The following CNOT4 variants were observed in gnomAD, a reference collection of about 807,000 sequenced individuals.
CNOT4 encodes the protein CCR4-NOT transcription complex subunit 4.
Under a neutral mutation model 73.8 loss-of-function variants are expected in CNOT4, and 8 were observed. That is an observed-to-expected ratio of 0.11 (90% CI 0.06 to 0.20). The LOEUF (loss-of-function observed/expected upper bound fraction) is 0.20, where lower values mean the gene tolerates loss of function less well. Among genes scored for constraint, CNOT4 ranks in the 10% least tolerant of loss-of-function variants. The probability of loss-of-function intolerance (pLI) is 1.00; values close to 1 mark genes in which losing one functional copy is unlikely to be tolerated. For missense variants in CNOT4, 564 were observed against 883.4 expected (o/e 0.64, Z 4.58); for synonymous variants, 293 against 321.1 (o/e 0.91, Z 0.94).
intron 4 of CNOT4, among the ~76,000 whole-genome samples, chr7:135,414,812 TTCTA>T (rs1364199921): frequency 6.6e-6 from 1 of 152,098 alleles, no homozygotes; most frequent in African/African-American, 2.4e-5. Context: ...TGGAAAACTA[TTCTA>T]TCTGATAACA....
chr7:135,423,494 AT>A (rs1242026493), intron 2 of CNOT4, among the ~76,000 whole-genome samples: 1 of 151,972 alleles, frequency 6.6e-6, no homozygotes, highest in Non-Finnish European at 1.5e-5. Context: ...AACCTCTCAA[AT>A]TTGTGAACAT....
At chr7:135,472,834 G>C (rs907070667) in intron 1 of CNOT4, among the ~76,000 whole-genome samples, 3 of 151,916 alleles carry the variant, frequency 2.0e-5, no homozygotes, top group South Asian at 2.1e-4. Flanking sequence ...GAGCCCTGTA[G>C]TTAAAGGCCA....
At chr7:135,499,347 T>G (rs185004992) in intron 1 of CNOT4, among the ~76,000 whole-genome samples, 1 of 152,102 alleles carries the variant, frequency 6.6e-6, no homozygotes, top group South Asian at 2.1e-4. Flanking sequence ...ATCAATGCCA[T>G]AGGCAAAAAT....
intron 10 of CNOT4, among the ~76,000 whole-genome samples, chr7:135,366,344 G>C (rs1794912833): frequency 6.6e-6 from 1 of 152,208 alleles, no homozygotes; most frequent in African/African-American, 2.4e-5. Flanking sequence ...AATAAAGGCA[G>C]AGGGGTTATA....
chr7:135,391,111 T>C (rs1232720893), intron 10 of CNOT4, among the ~76,000 whole-genome samples: 1 of 152,160 alleles, frequency 6.6e-6, no homozygotes, highest in East Asian at 1.9e-4. Context: ...AGGTATTAAA[T>C]TGCTTCAAAT....
At chr7:135,371,165 A>G (rs1017807050) in intron 10 of CNOT4, among the ~76,000 whole-genome samples, 5 of 152,204 alleles carry the variant, frequency 3.3e-5, no homozygotes, top group African/African-American at 1.2e-4. Context: ...CTGAGTAGGC[A>G]CTGTAGTTTA....
At chr7:135,405,177 T>A (rs1022894584) in intron 7 of CNOT4, among the ~76,000 whole-genome samples, 9 of 152,176 alleles carry the variant, frequency 5.9e-5, no homozygotes, top group Non-Finnish European at 1.3e-4. Context: ...TAAGTTTTTT[T>A]ACCCGTAGTA....
intron 1 of CNOT4, among the ~76,000 whole-genome samples, chr7:135,475,269 T>C (rs927022125): frequency 1.6e-4 from 25 of 152,060 alleles, no homozygotes; most frequent in Non-Finnish European, 2.9e-4. Context: ...TGAAGAAACA[T>C]ATAAAACACA....
intron 7 of CNOT4, among the ~76,000 whole-genome samples, chr7:135,400,379 T>A (rs908366375): frequency 1.3e-5 from 2 of 152,014 alleles, no homozygotes; most frequent in African/African-American, 2.4e-5. Flanking sequence ...TGCACTATAC[T>A]TAATACTATG....
chr7:135,397,329 A>G (rs559125264), intron 8 of CNOT4, among the ~76,000 whole-genome samples: 1 of 152,250 alleles, frequency 6.6e-6, no homozygotes, highest in Non-Finnish European at 1.5e-5. Flanking sequence ...TTTTTCAGAT[A>G]CCAATATTTC....
intron 1 of CNOT4, among the ~76,000 whole-genome samples, chr7:135,491,853 A>G (rs1352121879): frequency 6.6e-6 from 1 of 152,240 alleles, no homozygotes; most frequent in East Asian, 1.9e-4. Context: ...TACATACTAC[A>G]CTGTATATAA....
At chr7:135,422,084 G>T (rs1165292210) in intron 3 of CNOT4, 72 bp downstream of exon 3, 1 of 873,316 alleles carries the variant, frequency 1.1e-6, no homozygotes, top group Non-Finnish European at 1.9e-6. Flanking sequence ...ATTGAGCAGG[G>T]TCAAATATTA....
At position 135,395,624 on chromosome 7, in the gene CNOT4, T is replaced by C. The variant is rs1796637434; in HGVS notation, c.1129+10A>G. ...CATAATTACTAATACTTGGTACTAT[T>C]GTTATATACCTGATGTGAAGAGGCT... is the stretch of plus-strand genomic sequence containing the variant. On this transcript the variant is annotated intron_variant, in intron 9 of 11. Transcript: ENST00000541284. The C allele has an allele frequency of 6.2e-7, 1 of 1,610,678 alleles. No individual in the cohort carries two copies. The highest frequency in any genetic ancestry group is 8.5e-7 in the Non-Finnish European group (1 of 1,177,690).
At chr7:135,494,065 CAA>C (rs34917518) in intron 1 of CNOT4, among the ~76,000 whole-genome samples, 93 of 119,524 alleles carry the variant, frequency 7.8e-4, no homozygotes, top group Non-Finnish European at 7.4e-4. Flanking sequence ...AAACCTGTAC[CAA>C]AAAAAAAAAA....
intron 1 of CNOT4, among the ~76,000 whole-genome samples, chr7:135,500,642 T>C (rs933142640): frequency 1.3e-5 from 2 of 152,346 alleles, no homozygotes; most frequent in South Asian, 4.1e-4. Flanking sequence ...TTCCTCAGCC[T>C]GCGGACCTAC....
intron 1 of CNOT4, 174 bp downstream of exon 1, chr7:135,509,715 G>T: frequency 3.9e-6 from 1 of 257,758 alleles, no homozygotes; most frequent in Non-Finnish European, 7.4e-6. Flanking sequence ...GTGGCGTAAA[G>T]GGGAGAGGGA....
rs534557942 is a variant in CNOT4, at chr7:135,400,655, T to C, written c.822-2429A>G. Among the ~76,000 whole-genome samples the C allele has an allele frequency of 5.9e-5, 9 of 152,258 alleles. No homozygotes were observed. The South Asian group carries it at 1.9e-3, about 32-fold the overall frequency. ...TTACAACTAATTAGAATAACTTATATCACTTTGTCCACCATCCAACTGCAA... is the reference window on the plus strand; with the variant it reads ...TTACAACTAATTAGAATAACTTATACCACTTTGTCCACCATCCAACTGCAA... On this transcript the variant is annotated intron_variant, in intron 7 of 11. Transcript: ENST00000541284.
chr7:135,499,468 C>CA (rs1286284354), intron 1 of CNOT4, among the ~76,000 whole-genome samples: 1 of 151,936 alleles, frequency 6.6e-6, no homozygotes, highest in African/African-American at 2.4e-5. Context: ...AATTTCTTCC[C>CA]AAGCACTGTA....
chr7:135,448,891 A>C (rs769301721), intron 1 of CNOT4, among the ~76,000 whole-genome samples: 18 of 152,150 alleles, frequency 1.2e-4, no homozygotes, highest in Non-Finnish European at 2.6e-4. Context: ...ATTGATAGAG[A>C]TGATGCAATC....
Sources: allele counts gnomAD v4.1 joint callset (sites outside exome capture counted in the v4.1 genomes callset), GRCh38; gene constraint gnomAD v4.1.1; transcripts MANE v1.5; gene names NCBI Gene and HGNC (gene_info 2026-07-23, HGNC 2026-07-21).